KCNMB2: variants seen among roughly 807,000 people sequenced by gnomAD.
KCNMB2 encodes calcium-activated potassium channel subunit beta-2.
Under a neutral mutation model 24.5 loss-of-function variants are expected in KCNMB2, and 9 were observed. The ratio of observed to expected loss-of-function variants is 0.37; its 90% CI spans 0.22 to 0.64. KCNMB2 has a LOEUF of 0.64. Among genes scored for constraint, KCNMB2 ranks in the 30% least tolerant of loss-of-function variants. The pLI is 0.63. For synonymous variants in KCNMB2, 109 were observed against 104.4 expected (o/e 1.04, Z -0.27); for missense variants, 226 against 284.3 (o/e 0.79, Z 1.47).
At position 178,712,441 on chromosome 3, in the gene KCNMB2, G is replaced by A. The variant is rs1478176662; in HGVS notation, c.-67-94902G>A. 2.6e-5 allele frequency among the ~76,000 whole-genome samples: 4 copies of A among 152,160 alleles called. No individual in the cohort carries two copies. The East Asian group carries it at 5.8e-4, about 22-fold the overall frequency. ...CAAATATTTATTGAATGTTTCCCAG[G>A]TGCCAGCCGAGAGTCTGGGTGCTGA... On this transcript the variant is annotated intron_variant, in intron 1 of 4. Coordinates refer to ENST00000452583, the MANE Select transcript of KCNMB2 (RefSeq NM_181361.3).
At chr3:178,574,899 C>T (rs1328347654) in intron 1 of KCNMB2, among the ~76,000 whole-genome samples, 4 of 152,072 alleles carry the variant, frequency 2.6e-5, no homozygotes, top group Non-Finnish European at 5.9e-5. Flanking sequence ...GAAACCCCGT[C>T]TCTACTAAAA....
At chr3:178,645,161 C>T (rs1326364085) in intron 1 of KCNMB2, among the ~76,000 whole-genome samples, 3 of 150,908 alleles carry the variant, frequency 2.0e-5, no homozygotes, top group Non-Finnish European at 4.4e-5. Flanking sequence ...AGCGATTCTC[C>T]TGCCTCAGCC....
At chr3:178,739,721 T>A (rs1577139803) in intron 1 of KCNMB2, among the ~76,000 whole-genome samples, 2 of 152,076 alleles carry the variant, frequency 1.3e-5, no homozygotes, top group African/African-American at 2.4e-5. Flanking sequence ...GAGGTCACAA[T>A]CTCTAACGCT....
chr3:178,629,106 C>T (rs1036834517), intron 1 of KCNMB2, among the ~76,000 whole-genome samples: 4 of 152,032 alleles, frequency 2.6e-5, no homozygotes, highest in Admixed American at 1.3e-4. Flanking sequence ...ACATTATAAC[C>T]CCCAACTCCC....
rs1270958555 is a variant in KCNMB2 at position 178,842,796 on chromosome 3, ACT to A, written c.570_571del (p.Tyr191GlnfsTer37). On this transcript the variant is annotated frameshift_variant, in exon 5 of 5. Transcript: ENST00000452583. LOFTEE classifies it high-confidence loss of function. ...GNQKSVILTK[L>X]YSSNVLFHSL... ...ACCAGAAGAGTGTTATCCTAACAAA[ACT>A]CTACAGTTCCAACGTGCTGTTCCAT... 1.2e-6 allele frequency: 2 copies of A among 1,613,714 alleles called. No homozygotes were observed.
chr3:178,564,146 C>T (rs1390071421), intron 1 of KCNMB2, among the ~76,000 whole-genome samples: 1 of 151,994 alleles, frequency 6.6e-6, no homozygotes, highest in Admixed American at 6.6e-5. Flanking sequence ...GGTGTGGTGG[C>T]ATGCACCTAT....
At chr3:178,803,642 T>C (rs1713856940) in intron 1 of KCNMB2, among the ~76,000 whole-genome samples, 1 of 152,106 alleles carries the variant, frequency 6.6e-6, no homozygotes, top group African/African-American at 2.4e-5. Flanking sequence ...GGGAGGCAGA[T>C]TTGCACGCAA....
chr3:178,603,588 A>C (rs1718170290), intron 1 of KCNMB2, among the ~76,000 whole-genome samples: 1 of 152,184 alleles, frequency 6.6e-6, no homozygotes, highest in Non-Finnish European at 1.5e-5. Flanking sequence ...TTCCAGGAGG[A>C]GATGATGCTC....
At chr3:178,609,327 A>G (rs1346119301) in intron 1 of KCNMB2, among the ~76,000 whole-genome samples, 1 of 151,610 alleles carries the variant, frequency 6.6e-6, no homozygotes, top group African/African-American at 2.4e-5. Flanking sequence ...CCATTTTTTG[A>G]TAAGTTTATT....
chr3:178,676,051 G>T (rs1721060120), intron 1 of KCNMB2, among the ~76,000 whole-genome samples: 1 of 152,124 alleles, frequency 6.6e-6, no homozygotes, highest in Non-Finnish European at 1.5e-5. Context: ...ATGAGATAGG[G>T]TCAGTATTCA....
intron 1 of KCNMB2, among the ~76,000 whole-genome samples, chr3:178,677,708 C>A (rs149312056): frequency 1.3e-5 from 2 of 152,202 alleles, no homozygotes. Context: ...ATGAGGATTA[C>A]ACCCTGAGAG....
At chr3:178,624,244 ATT>A (rs35333167) in intron 1 of KCNMB2, among the ~76,000 whole-genome samples, 5,884 of 144,156 alleles carry the variant, frequency 0.041, 86 homozygotes, top group Middle Eastern at 0.12. Context: ...TTACTGGGTA[ATT>A]TTTTTTTTTT....
intron 1 of KCNMB2, among the ~76,000 whole-genome samples, chr3:178,621,516 T>C (rs1718920626): frequency 6.6e-6 from 1 of 152,194 alleles, no homozygotes; most frequent in African/African-American, 2.4e-5. Flanking sequence ...CATTATTTCT[T>C]TGGGTCTCTG....
chr3:178,676,945 G>A (rs1721091009), intron 1 of KCNMB2, among the ~76,000 whole-genome samples: 1 of 152,116 alleles, frequency 6.6e-6, no homozygotes, highest in Admixed American at 6.5e-5. Context: ...AATGGAGCCT[G>A]GGAGAAGGTG....
intron 1 of KCNMB2, among the ~76,000 whole-genome samples, chr3:178,574,520 G>T (rs1321418949): frequency 6.6e-6 from 1 of 152,078 alleles, no homozygotes; most frequent in Non-Finnish European, 1.5e-5. Context: ...TTCTCTTTAT[G>T]GCTTTTGCTG....
At chr3:178,674,201 T>C (rs973137148) in intron 1 of KCNMB2, among the ~76,000 whole-genome samples, 6 of 152,078 alleles carry the variant, frequency 3.9e-5, no homozygotes, top group Admixed American at 2.6e-4. Context: ...CTCTTCTCTT[T>C]CTACACTCAC....
intron 1 of KCNMB2, among the ~76,000 whole-genome samples, chr3:178,600,087 A>G (rs1718025316): frequency 6.6e-6 from 1 of 152,132 alleles, no homozygotes; most frequent in Non-Finnish European, 1.5e-5. Flanking sequence ...CATGTTGGCC[A>G]GGTTGGTCTT....
rs149667784 is a variant in KCNMB2, at chr3:178,537,073, C to T, written c.-68+362C>T. Among the ~76,000 whole-genome samples, 21 of 152,126 alleles carry T rather than the reference C, an allele frequency of 1.4e-4. No homozygotes were observed. In the East Asian group the frequency reaches 3.5e-3, roughly 25 times the overall value. ...AGTGAAGACTTTGGTGGGTGGAAGGCATAAAGGTCCAAGAAAAATAAAGAG... is the reference window on the plus strand; with the variant it reads ...AGTGAAGACTTTGGTGGGTGGAAGGTATAAAGGTCCAAGAAAAATAAAGAG... On this transcript the variant is annotated intron_variant, in intron 1 of 4. Coordinates refer to ENST00000452583, the MANE Select transcript of KCNMB2 (RefSeq NM_181361.3).
intron 1 of KCNMB2, among the ~76,000 whole-genome samples, chr3:178,732,513 G>T (rs918838560): frequency 6.6e-6 from 1 of 152,110 alleles, no homozygotes; most frequent in Non-Finnish European, 1.5e-5. Flanking sequence ...TCACATTTTT[G>T]TGGGTTTTGT....
Sources: allele counts gnomAD v4.1 joint callset (sites outside exome capture counted in the v4.1 genomes callset), GRCh38; gene constraint gnomAD v4.1.1; transcripts MANE v1.5; gene names NCBI Gene and HGNC (gene_info 2026-07-23, HGNC 2026-07-21).